ATRNL1: variants seen among roughly 807,000 people sequenced by gnomAD.
ATRNL1 encodes the protein attractin-like protein 1.
In ATRNL1, 95 loss-of-function variants were observed where a neutral mutation model predicts 182.7. The observed-to-expected ratio is 0.52, with a 90% CI of 0.44 to 0.62. The LOEUF is 0.62. ATRNL1 is among the 20% of genes least tolerant of loss of function. The pLI is 0.00. For missense variants in ATRNL1, 1,471 were observed against 1,679.5 expected (o/e 0.88, Z 2.17); for synonymous variants, 576 against 568.3 (o/e 1.01, Z -0.19).
chr10:115,473,777 A>G (rs1381250945), intron 24 of ATRNL1, among the ~76,000 whole-genome samples: 1 of 151,202 alleles, frequency 6.6e-6, no homozygotes, highest in Non-Finnish European at 1.5e-5. Context: ...CAAGTTTTCT[A>G]TTTTCACATG....
chr10:115,121,035 G>C (rs1465140725), intron 2 of ATRNL1, among the ~76,000 whole-genome samples: 1 of 152,022 alleles, frequency 6.6e-6, no homozygotes, highest in Non-Finnish European at 1.5e-5. Flanking sequence ...ACAACAAAAT[G>C]CACCCATTTT....
chr10:115,189,396 A>G (rs1236076448), intron 8 of ATRNL1, among the ~76,000 whole-genome samples: 1 of 152,156 alleles, frequency 6.6e-6, no homozygotes, highest in Non-Finnish European at 1.5e-5. Context: ...AGAAGAAGGC[A>G]TTATTATCAT....
chr10:115,133,118 A>G (rs375211616), intron 5 of ATRNL1, among the ~76,000 whole-genome samples: 1 of 152,328 alleles, frequency 6.6e-6, no homozygotes, highest in East Asian at 1.9e-4. Flanking sequence ...ATAAGATGTA[A>G]GGAAGAGATC....
In ATRNL1 at chr10:115,293,203, A is replaced by G. The variant is rs370755014; in HGVS notation, c.2415+6806A>G. ...CACTTTTGCTTTCTGTTTGCATGGAATATCTTTTTTCATCCCTTCACTTTT... is the reference window on the plus strand; with the variant it reads ...CACTTTTGCTTTCTGTTTGCATGGAGTATCTTTTTTCATCCCTTCACTTTT... On this transcript the variant is annotated intron_variant, in intron 15 of 28. Coordinates refer to ENST00000355044, the MANE Select transcript of ATRNL1 (RefSeq NM_207303.4). 1.1e-4 allele frequency among the ~76,000 whole-genome samples: 16 copies of G among 152,156 alleles called. No individual in the cohort carries two copies. In the East Asian group the frequency reaches 2.3e-3, roughly 22 times the overall value.
At chr10:115,749,928 A>G (rs1948399771) in intron 27 of ATRNL1, among the ~76,000 whole-genome samples, 1 of 151,948 alleles carries the variant, frequency 6.6e-6, no homozygotes, top group South Asian at 2.1e-4. Context: ...TTTTATGCCT[A>G]GCACTCAGAG....
chr10:115,229,739 T>TAA (rs1849846298), intron 9 of ATRNL1, among the ~76,000 whole-genome samples: 1 of 152,106 alleles, frequency 6.6e-6, no homozygotes, highest in Admixed American at 6.5e-5. Flanking sequence ...TAAAATCCCA[T>TAA]ATTGATAATT....
intron 27 of ATRNL1, among the ~76,000 whole-genome samples, chr10:115,776,414 A>T (rs1949127176): frequency 6.6e-6 from 1 of 152,198 alleles, no homozygotes; most frequent in Non-Finnish European, 1.5e-5. Context: ...CTCTTTTGGT[A>T]GATTAAAGAT....
chr10:115,768,476 TACCTTTGAA>T (rs1948912240), intron 27 of ATRNL1, among the ~76,000 whole-genome samples: 1 of 152,164 alleles, frequency 6.6e-6, no homozygotes, highest in South Asian at 2.1e-4. Context: ...TTACCTTTGA[TACCTTTGAA>T]ACCTAATTAC....
intron 28 of ATRNL1, among the ~76,000 whole-genome samples, chr10:115,860,576 G>A (rs1951292572): frequency 6.6e-6 from 1 of 152,116 alleles, no homozygotes. Flanking sequence ...CTCTATTTAT[G>A]CATAATATTA....
At chr10:115,704,214 C>T (rs1255551057) in intron 26 of ATRNL1, among the ~76,000 whole-genome samples, 4 of 151,830 alleles carry the variant, frequency 2.6e-5, no homozygotes, top group African/African-American at 9.7e-5. Context: ...CTCTTCCTAG[C>T]TTCTGGTGGG....
At chr10:115,837,466 CCA>C (rs71010052) in intron 27 of ATRNL1, among the ~76,000 whole-genome samples, 2,109 of 134,664 alleles carry the variant, frequency 0.016, 34 homozygotes, top group African/African-American at 0.039. Context: ...GCTTCCCAAG[CCA>C]CACACACACA....
intron 28 of ATRNL1, among the ~76,000 whole-genome samples, chr10:115,856,279 T>C (rs375887023): frequency 6.6e-6 from 1 of 151,324 alleles, no homozygotes; most frequent in Non-Finnish European, 1.5e-5. Flanking sequence ...AATACAAAAA[T>C]TAGCCAGGCG....
intron 19 of ATRNL1, among the ~76,000 whole-genome samples, chr10:115,368,795 C>A (rs1418864886): frequency 1.3e-5 from 2 of 151,664 alleles, no homozygotes; most frequent in Non-Finnish European, 2.9e-5. Context: ...TTCACTGCAA[C>A]CACCGCCTCC....
chr10:115,296,683 G>GTT (rs554175253), intron 15 of ATRNL1, among the ~76,000 whole-genome samples: 1,770 of 148,378 alleles, frequency 0.012, 34 homozygotes, highest in African/African-American at 0.04. Flanking sequence ...TTGGCCTTAA[G>GTT]TTTTTTTTTT....
At chr10:115,365,312 G>T (rs1333849384) in intron 19 of ATRNL1, among the ~76,000 whole-genome samples, 1 of 151,648 alleles carries the variant, frequency 6.6e-6, no homozygotes, top group Non-Finnish European at 1.5e-5. Context: ...TTGCATAGAG[G>T]TGTTTGTAGT....
chr10:115,696,900 C>CGAGA (rs3087139), intron 26 of ATRNL1, among the ~76,000 whole-genome samples: 1 of 134,966 alleles, frequency 7.4e-6, no homozygotes, highest in East Asian at 2.1e-4. Flanking sequence ...AGAGAGAGAG[C>CGAGA]GAGCGAGCTA....
intron 19 of ATRNL1, among the ~76,000 whole-genome samples, chr10:115,382,425 AT>A (rs1161042793): frequency 2.0e-5 from 3 of 151,934 alleles, no homozygotes; most frequent in Non-Finnish European, 4.4e-5. Flanking sequence ...TTTCGTGAGA[AT>A]TTTATTTTAA....
At chr10:115,471,941 G>C (rs890002059) in intron 24 of ATRNL1, among the ~76,000 whole-genome samples, 2 of 150,822 alleles carry the variant, frequency 1.3e-5, no homozygotes, top group African/African-American at 2.4e-5. Flanking sequence ...ATGTCAAGGA[G>C]CTTAGTCCCT....
rs374300025 is a variant in ATRNL1 at position 115,241,703 on chromosome 10, C to T, written c.1665C>T (p.Ala555=). The T allele has an allele frequency of 6.8e-4, 1,088 of 1,609,544 alleles. No individual in the cohort carries two copies. Among genetic ancestry groups the T allele is most frequent in the Non-Finnish European group, 8.8e-4 (1,034 of 1,176,998 alleles). The part of the protein sequence containing the change: ...SLSNGAKCFS[A]DFLAYDIACD... ...GTAACGGTGCAAAATGTTTTTCTGC[C>T]GATTTCCTGGCATATGACATAGGTA... is the stretch of plus-strand genomic sequence containing the variant. The change falls in exon 10 of 29, where the codon GCC becomes GCT. Residue 555 remains alanine (A), a synonymous_variant. Transcript: ENST00000355044.
Sources: gnomAD v4.1 joint callset for allele counts (sites outside exome capture counted in the v4.1 genomes callset) on GRCh38, gnomAD v4.1.1 for gene constraint, MANE v1.5 for transcripts, NCBI Gene and HGNC (gene_info 2026-07-23, HGNC 2026-07-21) for gene names.